Variants in CAMTA1 observed in about 807,000 individuals in gnomAD.
CAMTA1 encodes the protein calmodulin-binding transcription activator 1.
In CAMTA1, 27 loss-of-function variants were observed where a neutral mutation model predicts 170.9. The observed-to-expected ratio is 0.16, with a 90% CI of 0.12 to 0.22. CAMTA1 has a LOEUF of 0.22. Ranked by LOEUF, CAMTA1 falls within the 10% of genes least tolerant of loss-of-function variation. The probability of loss-of-function intolerance (pLI) is 1.00; values close to 1 mark genes in which losing one functional copy is unlikely to be tolerated. For synonymous variants in CAMTA1, 833 were observed against 891.5 expected (o/e 0.93, Z 1.17); for missense variants, 1,619 against 2,217.2 (o/e 0.73, Z 5.42).
At chr1:7,708,023 C>T (rs1401608250) in intron 11 of CAMTA1, among the ~76,000 whole-genome samples, 3 of 152,100 alleles carry the variant, frequency 2.0e-5, no homozygotes, top group Non-Finnish European at 4.4e-5. Flanking sequence ...GATATGATAC[C>T]TTGTGAATAG....
At chr1:7,004,035 G>T (rs1200156000) in intron 3 of CAMTA1, among the ~76,000 whole-genome samples, 1 of 152,206 alleles carries the variant, frequency 6.6e-6, no homozygotes, top group African/African-American at 2.4e-5. Context: ...AACGCGTTTG[G>T]TTATGGAACA....
At chr1:7,621,028 C>T (rs1159079661) in intron 6 of CAMTA1, among the ~76,000 whole-genome samples, 1 of 152,122 alleles carries the variant, frequency 6.6e-6, no homozygotes, top group East Asian at 1.9e-4. Flanking sequence ...GAGGGAAAGG[C>T]CGTAGGGTCA....
chr1:6,986,592 A>G lies in CAMTA1; in HGVS notation c.235-104712A>G, dbSNP rs552723526. On this transcript the variant is annotated intron_variant, in intron 3 of 22. Coordinates refer to ENST00000303635, the MANE Select transcript of CAMTA1 (RefSeq NM_015215.4). ...AGTGTTTTTAGGTGATTTGTCAACCATCGTCCATGGTTGTACCTGCACTGT... is the reference window on the plus strand; with the variant it reads ...AGTGTTTTTAGGTGATTTGTCAACCGTCGTCCATGGTTGTACCTGCACTGT... Among the ~76,000 whole-genome samples, 6 of 152,264 alleles carry G rather than the reference A, an allele frequency of 3.9e-5. No individual in the cohort carries two copies. In the East Asian group the frequency reaches 1.2e-3, roughly 30 times the overall value.
At chr1:7,158,211 T>C (rs1167004424) in intron 4 of CAMTA1, among the ~76,000 whole-genome samples, 2 of 152,130 alleles carry the variant, frequency 1.3e-5, no homozygotes, top group Non-Finnish European at 2.9e-5. Context: ...CATGGATGAA[T>C]CTCAAAAATG....
chr1:7,743,281 G>A (rs2096831570), intron 16 of CAMTA1, among the ~76,000 whole-genome samples: 1 of 151,708 alleles, frequency 6.6e-6, no homozygotes, highest in South Asian at 2.1e-4. Context: ...ATTTACGTAT[G>A]ATAAAAAATT....
At chr1:7,464,597 G>A (rs1285459654) in intron 5 of CAMTA1, among the ~76,000 whole-genome samples, 2 of 152,240 alleles carry the variant, frequency 1.3e-5, no homozygotes, top group East Asian at 3.9e-4. Flanking sequence ...GCCAAGGGGT[G>A]AATGGAAGGG....
intron 6 of CAMTA1, among the ~76,000 whole-genome samples, chr1:7,579,332 A>G (rs963416627): frequency 1.3e-5 from 2 of 152,222 alleles, no homozygotes; most frequent in African/African-American, 4.8e-5. Flanking sequence ...TGCCACAGCA[A>G]CAACCGTCAC....
chr1:7,761,878 A>T (rs1286903530), intron 22 of CAMTA1, among the ~76,000 whole-genome samples: 2 of 152,038 alleles, frequency 1.3e-5, no homozygotes, highest in South Asian at 4.1e-4. Context: ...TAAGACTAAC[A>T]AGCAGCTCAT....
chr1:7,175,714 A>G (rs1200260284), intron 4 of CAMTA1, among the ~76,000 whole-genome samples: 1 of 152,250 alleles, frequency 6.6e-6, no homozygotes, highest in Non-Finnish European at 1.5e-5. Context: ...ACACTGCCTT[A>G]GTGCAAAGCC....
intron 5 of CAMTA1, among the ~76,000 whole-genome samples, chr1:7,339,753 T>C (rs1213456930): frequency 6.6e-6 from 1 of 152,066 alleles, no homozygotes; most frequent in Admixed American, 6.5e-5. Flanking sequence ...TGCACCACCA[T>C]GCCCGGCTAA....
chr1:7,412,244 C>T (rs2090830922), intron 5 of CAMTA1, among the ~76,000 whole-genome samples: 1 of 152,010 alleles, frequency 6.6e-6, no homozygotes, highest in Non-Finnish European at 1.5e-5. Flanking sequence ...TTTATAGCAG[C>T]ATGATTTATA....
intron 4 of CAMTA1, among the ~76,000 whole-genome samples, chr1:7,236,629 C>A (rs1424002002): frequency 2.0e-5 from 3 of 152,190 alleles, no homozygotes; most frequent in Non-Finnish European, 4.4e-5. Flanking sequence ...ATGAAGATAG[C>A]AATACCCAGC....
At position 7,767,500 on chromosome 1, in the gene CAMTA1, T is replaced by C. The variant is rs1577546020; in HGVS notation, c.*1009T>C. The C allele has an allele frequency of 6.5e-6, 1 of 152,766 alleles. No individual in the cohort carries two copies. 9.5% of individuals were successfully genotyped at this position (152,766 alleles called of 1,614,324 possible). A position where few individuals can be genotyped will look rare whatever the true frequency, so the allele number is the denominator to read the frequency against. The stretch of plus-strand genomic sequence containing the variant: ...TATATCTCATCCAAACTGAGCAGTT[T>C]CTGTGTATATATAGAAGGTAGAAAT... On this transcript the variant is annotated 3_prime_UTR_variant, in exon 23 of 23. Transcript: ENST00000303635.
At chr1:7,404,216 T>C (rs2090126125) in intron 5 of CAMTA1, among the ~76,000 whole-genome samples, 1 of 152,172 alleles carries the variant, frequency 6.6e-6, no homozygotes. Flanking sequence ...GCCAACGAGC[T>C]CGCCACGCTC....
At chr1:6,993,026 CATTA>C (rs1696643050) in intron 3 of CAMTA1, among the ~76,000 whole-genome samples, 1 of 152,230 alleles carries the variant, frequency 6.6e-6, no homozygotes, top group South Asian at 2.1e-4. Context: ...TTTGTCTAAA[CATTA>C]ATTAACCACA....
chr1:7,653,066 G>A (rs2095857979), intron 7 of CAMTA1, among the ~76,000 whole-genome samples: 1 of 152,134 alleles, frequency 6.6e-6, no homozygotes, highest in Non-Finnish European at 1.5e-5. Flanking sequence ...GGACGTGGAT[G>A]CTGGGCCCCA....
Position 7,266,203 on chromosome 1 carries a change from C to A in CAMTA1, c.438+16577C>A, listed in dbSNP as rs1054886657. 2.1e-5 allele frequency among the ~76,000 whole-genome samples: 3 copies of A among 143,968 alleles called. 1 individual carries two copies. Among genetic ancestry groups the A allele is most frequent in the African/African-American group, 7.3e-5 (3 of 40,830 alleles). The allele number at this position is 143,968 out of a possible 152,430, so 94.4% of individuals were successfully genotyped here. On this transcript the variant is annotated intron_variant, in intron 5 of 22. Coordinates refer to ENST00000303635, the MANE Select transcript of CAMTA1 (RefSeq NM_015215.4). ...GTCTGCAGAGCGGGGGCGTGCTTGG[C>A]AGAGGAGGGAACAAGGAACATGGTT...
intron 11 of CAMTA1, among the ~76,000 whole-genome samples, chr1:7,684,165 C>A (rs1576848056): frequency 6.6e-6 from 1 of 152,210 alleles, no homozygotes; most frequent in Non-Finnish European, 1.5e-5. Context: ...CAGCAAAGGC[C>A]GAGGGGCAGC....
rs1193424390 is a variant in CAMTA1 at position 6,887,571 on chromosome 1, C to A, written c.234+62361C>A. ...CAGATGTCTCCTCCTCTCTCTGCCTCTGGAAATGGGGCAAATTTTTCTTCA... is the reference window on the plus strand; with the variant it reads ...CAGATGTCTCCTCCTCTCTCTGCCTATGGAAATGGGGCAAATTTTTCTTCA... On this transcript the variant is annotated intron_variant, in intron 3 of 22. Transcript: ENST00000303635. This position sits in a 1 kb window ranked among gnomAD's most constrained non-coding sequence, Gnocchi z 4.1. 1 of 1,519,388 alleles carries A rather than the reference C, an allele frequency of 6.6e-7. No individual in the cohort carries two copies. The highest frequency in any genetic ancestry group is 2.5e-5 in the East Asian group (1 of 40,566). 94.1% of individuals were successfully genotyped at this position (1,519,388 alleles called of 1,614,324 possible).
Sources: allele counts gnomAD v4.1 joint callset (sites outside exome capture counted in the v4.1 genomes callset), GRCh38; gene constraint gnomAD v4.1.1; non-coding constraint Gnocchi (gnomAD v3.1); transcripts MANE v1.5; gene names NCBI Gene and HGNC (gene_info 2026-07-23, HGNC 2026-07-21).